Variants in KIRREL3 observed in about 807,000 individuals in gnomAD.
KIRREL3 encodes kin of IRRE-like protein 3.
KIRREL3 carries 36 observed loss-of-function variants against 89.7 expected under a neutral mutation model. The observed-to-expected ratio is 0.40, with a 90% CI of 0.31 to 0.53. The LOEUF is 0.53. Among genes scored for constraint, KIRREL3 ranks in the 20% least tolerant of loss-of-function variants. The pLI is 0.49. For synonymous variants in KIRREL3, 445 were observed against 441.4 expected, an observed-to-expected ratio of 1.01 and a Z score of -0.10; for missense variants, 864 against 1,056.6, an observed-to-expected ratio of 0.82 and a Z score of 2.53.
intron 1 of KIRREL3, among the ~76,000 whole-genome samples, chr11:126,967,057 A>G (rs1324632219): frequency 6.6e-6 from 1 of 152,084 alleles, no homozygotes; most frequent in Non-Finnish European, 1.5e-5. Context: ...AGAGCTGACA[A>G]TCTCTTTACT....
intron 2 of KIRREL3, among the ~76,000 whole-genome samples, chr11:126,556,919 A>G (rs1248779880): frequency 6.6e-6 from 1 of 152,232 alleles, no homozygotes; most frequent in Admixed American, 6.5e-5. Context: ...CCCCAGTGGA[A>G]GAAAACACAT....
rs1191852517 is a variant in KIRREL3 at position 126,684,123 on chromosome 11, G to A, written c.56-121211C>T. Reference sequence around the variant, plus strand: ...CATCTTGGGGGAGCACCTTGGGCAGGGCTGCCCAGAGCCCTGGAACTGGAC... The same window carrying A: ...CATCTTGGGGGAGCACCTTGGGCAGAGCTGCCCAGAGCCCTGGAACTGGAC... On this transcript the variant is annotated intron_variant, in intron 1 of 16. Coordinates refer to ENST00000525144, the MANE Select transcript of KIRREL3 (RefSeq NM_032531.4). This position sits in a 1 kb window ranked among gnomAD's most constrained non-coding sequence, Gnocchi z 4.2. Among the ~76,000 whole-genome samples the A allele has an allele frequency of 6.6e-6, 1 of 152,170 alleles. No individual in the cohort carries two copies. The highest frequency in any genetic ancestry group is 1.5e-5 in the Non-Finnish European group (1 of 68,028).
Position 126,564,891 on chromosome 11 carries a change from T to C in KIRREL3, c.56-1979A>G, listed in dbSNP as rs1033648944. 6.6e-6 allele frequency among the ~76,000 whole-genome samples: 1 copy of C among 152,136 alleles called. No homozygotes were observed. Among genetic ancestry groups the C allele is most frequent in the African/African-American group, 2.4e-5 (1 of 41,448 alleles). On this transcript the variant is annotated intron_variant, in intron 1 of 16. Coordinates refer to ENST00000525144, the MANE Select transcript of KIRREL3 (RefSeq NM_032531.4). The surrounding 1 kb of genome is among the most constrained non-coding windows in gnomAD (Gnocchi z 7.4). ...CTCAACACGCTGACGACAGGCAGAG[T>C]TAACCAGCCCATTGTAATTGCACAC...
In KIRREL3 at chr11:126,902,390, C is replaced by T. The variant is rs1488764029; in HGVS notation, c.55+98065G>A. Among the ~76,000 whole-genome samples, 3 of 152,114 alleles carry T rather than the reference C, an allele frequency of 2.0e-5. No homozygotes were observed. In the East Asian group the frequency reaches 5.8e-4, roughly 29 times the overall value. ...TTCCAATTCTTTGGATTGAATTAAT[C>T]TATTTGAAATATGTGCATGCACACA... On this transcript the variant is annotated intron_variant, in intron 1 of 16. Coordinates refer to ENST00000525144, the MANE Select transcript of KIRREL3 (RefSeq NM_032531.4).
At chr11:126,889,405 T>C (rs1465229881) in intron 1 of KIRREL3, among the ~76,000 whole-genome samples, 1 of 152,264 alleles carries the variant, frequency 6.6e-6, no homozygotes, top group African/African-American at 2.4e-5. Context: ...CAGTAGTCCA[T>C]TCCTTTCTAC....
At position 126,908,998 on chromosome 11, in the gene KIRREL3, TATTTA is replaced by T. The variant is rs1340871573; in HGVS notation, c.55+91452_55+91456del. ...AAACAGTTACTTAAATTTGTTATATTATTTAAAGTTGTTATGTTAAATTTGTGTTA... is the reference window on the plus strand; with the variant it reads ...AAACAGTTACTTAAATTTGTTATATTAAGTTGTTATGTTAAATTTGTGTTA... On this transcript the variant is annotated intron_variant, in intron 1 of 16. Transcript: ENST00000525144. The surrounding 1 kb of genome is among the most constrained non-coding windows in gnomAD (Gnocchi z 4.2). Among the ~76,000 whole-genome samples, 1 of 152,220 alleles carries T rather than the reference TATTTA, an allele frequency of 6.6e-6. No homozygotes were observed. The highest frequency in any genetic ancestry group is 1.5e-5 in the Non-Finnish European group (1 of 68,040).
Position 126,712,026 on chromosome 11 carries a change from C to T in KIRREL3, c.56-149114G>A, listed in dbSNP as rs188730597. Among the ~76,000 whole-genome samples, 1,270 of 152,334 alleles carry T rather than the reference C, an allele frequency of 8.3e-3. 14 individuals carry two copies. The highest frequency in any genetic ancestry group is 0.028 in the African/African-American group (1,180 of 41,570). ...AACTACTGTTTCTCAGCAAGGTGGT[C>T]CGGGCCTTCTGCCGTCAGCCAGCCA... is the stretch of plus-strand genomic sequence containing the variant. On this transcript the variant is annotated intron_variant, in intron 1 of 16. Coordinates refer to ENST00000525144, the MANE Select transcript of KIRREL3 (RefSeq NM_032531.4).
chr11:126,662,405 CAGAGTACCTG>C (rs1341928541), intron 1 of KIRREL3, among the ~76,000 whole-genome samples: 2 of 152,208 alleles, frequency 1.3e-5, no homozygotes, highest in African/African-American at 2.4e-5. Flanking sequence ...GCTGCTGTCA[CAGAGTACCTG>C]AGAGTGGGTA....
chr11:126,758,577 C>A (rs995181661), intron 1 of KIRREL3, among the ~76,000 whole-genome samples: 2 of 152,210 alleles, frequency 1.3e-5, no homozygotes, highest in African/African-American at 2.4e-5. Context: ...CCTCTCCCCA[C>A]CAAAGTGCTA....
rs1451795448 is a variant in KIRREL3 at position 126,709,112 on chromosome 11, TC to T, written c.56-146201del. ...AGAGGAGAGCCTACACTGTGCTGGG[TC>T]ACTGTGTTACGCTATGTGCTTGTTT... On this transcript the variant is annotated intron_variant, in intron 1 of 16. Transcript: ENST00000525144. The surrounding 1 kb of genome is among the most constrained non-coding windows in gnomAD (Gnocchi z 4.0). 2.6e-5 allele frequency among the ~76,000 whole-genome samples: 4 copies of T among 152,234 alleles called. No homozygotes were observed. The highest frequency in any genetic ancestry group is 5.9e-5 in the Non-Finnish European group (4 of 68,044).
intron 1 of KIRREL3, among the ~76,000 whole-genome samples, chr11:126,884,308 G>T (rs1945618024): frequency 6.6e-6 from 1 of 152,194 alleles, no homozygotes; most frequent in Admixed American, 6.5e-5. Flanking sequence ...GAGAAGCATG[G>T]TTCTAGAGTG....
At position 126,622,786 on chromosome 11, in the gene KIRREL3, C is replaced by T. The variant is rs777802244; in HGVS notation, c.56-59874G>A. On this transcript the variant is annotated intron_variant, in intron 1 of 16. Transcript: ENST00000525144. The surrounding 1 kb of genome is among the most constrained non-coding windows in gnomAD (Gnocchi z 5.2). ...AAACTCTAAAAGGAGAAAATAATCA[C>T]ACCAGCTACACTTTTTACAGTGCTA... is the stretch of plus-strand genomic sequence containing the variant. Among the ~76,000 whole-genome samples, 28 of 152,248 alleles carry T rather than the reference C, an allele frequency of 1.8e-4. No homozygotes were observed. The highest frequency in any genetic ancestry group is 3.5e-4 in the Non-Finnish European group (24 of 68,046).
chr11:126,691,621 G>A (rs1362114672), intron 1 of KIRREL3, among the ~76,000 whole-genome samples: 1 of 152,144 alleles, frequency 6.6e-6, no homozygotes, highest in Non-Finnish European at 1.5e-5. Flanking sequence ...ATATGTAGCA[G>A]TAGTAAAACT....
intron 1 of KIRREL3, among the ~76,000 whole-genome samples, chr11:126,712,791 C>T (rs907134400): frequency 1.4e-4 from 22 of 152,186 alleles, no homozygotes; most frequent in Admixed American, 1.4e-3. Flanking sequence ...TTTTTGTCAT[C>T]CTCGTTCCTC....
chr11:126,635,415 C>T lies in KIRREL3; in HGVS notation c.56-72503G>A, dbSNP rs11220564. On this transcript the variant is annotated intron_variant, in intron 1 of 16. Transcript: ENST00000525144. This position sits in a 1 kb window ranked among gnomAD's most constrained non-coding sequence, Gnocchi z 4.0. ...TGGATTGGAGGGAGCAGAGAAGCTT[C>T]CTCATTAAAAGGGCTGGGCTGGTTG... Among the ~76,000 whole-genome samples the T allele has an allele frequency of 0.22, 34,216 of 152,190 alleles. 4,220 individuals carry two copies. Among genetic ancestry groups the T allele is most frequent in the African/African-American group, 0.33 (13,691 of 41,502 alleles).
rs1466002521 is a variant in KIRREL3, at chr11:126,985,606, C to T, written c.55+14849G>A. ...AGAGGAGACGGCCACTCCAGAGGGA[C>T]AGGAGGCACGAGGGAGCAGAGCACA... On this transcript the variant is annotated intron_variant, in intron 1 of 16. Transcript: ENST00000525144. The surrounding 1 kb of genome is among the most constrained non-coding windows in gnomAD (Gnocchi z 5.3). Among the ~76,000 whole-genome samples the T allele has an allele frequency of 6.6e-6, 1 of 152,032 alleles. No homozygotes were observed. The highest frequency in any genetic ancestry group is 2.4e-5 in the African/African-American group (1 of 41,362).
chr11:126,914,285 G>C (rs1358922181), intron 1 of KIRREL3, among the ~76,000 whole-genome samples: 2 of 152,208 alleles, frequency 1.3e-5, no homozygotes, highest in Non-Finnish European at 2.9e-5. Flanking sequence ...TCCTGGGCTA[G>C]GTTACTGGGA....
At chr11:126,435,222 T>TCCCTTCCC (rs759021380) in intron 13 of KIRREL3, 46 bp downstream of exon 13, 4 of 1,605,608 alleles carry the variant, frequency 2.5e-6, no homozygotes, top group Non-Finnish European at 3.4e-6. Flanking sequence ...AGCCAGGAAG[T>TCCCTTCCC]CCCTTCCCCC....
chr11:126,450,319 G>A (rs188003872), intron 7 of KIRREL3, among the ~76,000 whole-genome samples: 2,639 of 151,138 alleles, frequency 0.017, 45 homozygotes, highest in Middle Eastern at 0.041. Flanking sequence ...CCATGTGCAC[G>A]TGTGCATGTG....
Sources: gnomAD v4.1 joint callset for allele counts (sites outside exome capture counted in the v4.1 genomes callset) on GRCh38, gnomAD v4.1.1 for gene constraint, Gnocchi (gnomAD v3.1) non-coding constraint, MANE v1.5 for transcripts, NCBI Gene and HGNC (gene_info 2026-07-23, HGNC 2026-07-21) for gene names.